SLC6A6: variants seen among roughly 807,000 people sequenced by gnomAD.
SLC6A6 encodes the protein solute carrier family 6 member 6, also known as sodium- and chloride-dependent taurine transporter.
In SLC6A6, 16 loss-of-function variants were observed where a neutral mutation model predicts 68.8. The observed-to-expected ratio is 0.23, with a 90% confidence interval of 0.16 to 0.35. The LOEUF (loss-of-function observed/expected upper bound fraction) is 0.35. Among genes scored for constraint, SLC6A6 ranks in the 10% least tolerant of loss-of-function variants. The pLI is 1.00. For synonymous variants in SLC6A6, 312 were observed against 315.4 expected (o/e 0.99, Z 0.12); for missense variants, 474 against 802.8 (o/e 0.59, Z 4.95).
intron 9 of SLC6A6, among the ~76,000 whole-genome samples, chr3:14,470,377 G>C (rs987904496): frequency 6.6e-6 from 1 of 152,164 alleles, no homozygotes; most frequent in Non-Finnish European, 1.5e-5. Context: ...TAGCCTAACA[G>C]AGTGCAAACA....
intron 14 of SLC6A6, among the ~76,000 whole-genome samples, chr3:14,483,000 C>T (rs1423475898): frequency 6.6e-6 from 1 of 152,162 alleles, no homozygotes; most frequent in African/African-American, 2.4e-5. Flanking sequence ...CATTAGGGCA[C>T]AGCAAGGGGT....
rs1701002314 is a variant in SLC6A6, at chr3:14,481,357, A to C, written c.1552-314A>C. 6.6e-6 allele frequency among the ~76,000 whole-genome samples: 1 copy of C among 152,116 alleles called. No individual in the cohort carries two copies. The highest frequency in any genetic ancestry group is 2.1e-4 in the South Asian group (1 of 4,822). The stretch of plus-strand genomic sequence containing the variant: ...TCTTCAGGGTGGCTGGAGTGTGGAC[A>C]CGGAGGGAGAGTTGAGGCAGATGAG... On this transcript the variant is annotated intron_variant, in intron 13 of 14. Coordinates refer to ENST00000622186, the MANE Select transcript of SLC6A6 (RefSeq NM_003043.6). This position sits in a 1 kb window ranked among gnomAD's most constrained non-coding sequence, Gnocchi z 4.7.
At chr3:14,426,936 TTCTGTGATAAAGGAACCCCTC>T (rs923912283) in intron 2 of SLC6A6, among the ~76,000 whole-genome samples, 9 of 151,688 alleles carry the variant, frequency 5.9e-5, no homozygotes, top group African/African-American at 2.2e-4. Flanking sequence ...GCGATGGGGG[TTCTGTGATAAAGGAACCCCTC>T]TCTGGCTTTA....
rs966857499 is a variant in SLC6A6 at position 14,434,255 on chromosome 3, G to A, written c.-11-9369G>A. Among the ~76,000 whole-genome samples the A allele has an allele frequency of 7.2e-5, 11 of 152,196 alleles. 1 individual carries two copies. ...TGGGCCTCTTTCCATCATCCGGGCT[G>A]GTGAGGAGTAAGTGAGTGAGTTGGT... is the stretch of plus-strand genomic sequence containing the variant. On this transcript the variant is annotated intron_variant, in intron 2 of 14. Coordinates refer to ENST00000622186, the MANE Select transcript of SLC6A6 (RefSeq NM_003043.6).
chr3:14,404,361 C>T (rs1699058669), intron 1 of SLC6A6, among the ~76,000 whole-genome samples: 1 of 152,058 alleles, frequency 6.6e-6, no homozygotes, highest in African/African-American at 2.4e-5. Context: ...GGAGGAATTT[C>T]ATCAAGATGG....
chr3:14,427,852 G>A (rs554554112), intron 2 of SLC6A6, among the ~76,000 whole-genome samples: 8 of 152,140 alleles, frequency 5.3e-5, no homozygotes, highest in Admixed American at 1.3e-4. Context: ...CTACTCTCGA[G>A]TCCAGTTCCC....
chr3:14,464,220 T>C (rs1325344069), intron 6 of SLC6A6, among the ~76,000 whole-genome samples: 2 of 152,172 alleles, frequency 1.3e-5, no homozygotes, highest in African/African-American at 2.4e-5. Context: ...AGGGCCTCCC[T>C]ACTGGCTGCC....
At chr3:14,483,065 A>G (rs1701045399) in intron 14 of SLC6A6, among the ~76,000 whole-genome samples, 1 of 152,190 alleles carries the variant, frequency 6.6e-6, no homozygotes, top group African/African-American at 2.4e-5. Flanking sequence ...GAGTGCCCAA[A>G]GCAATTACAT....
Position 14,481,589 on chromosome 3 carries a change from G to A in SLC6A6, c.1552-82G>A, listed in dbSNP as rs1701007693. On this transcript the variant is annotated intron_variant, in intron 13 of 14. Transcript: ENST00000622186. The surrounding 1 kb of genome is among the most constrained non-coding windows in gnomAD (Gnocchi z 4.7). ...CCAAGGAGAGAGACCCTTCCCTCAGGTTGAGGCCAGTCCTAGTCCCAGAAG... is the reference window on the plus strand; with the variant it reads ...CCAAGGAGAGAGACCCTTCCCTCAGATTGAGGCCAGTCCTAGTCCCAGAAG... 2.2e-6 allele frequency: 2 copies of A among 922,670 alleles called. No homozygotes were observed. Among genetic ancestry groups the A allele is most frequent in the Non-Finnish European group, 3.4e-6 (2 of 585,138 alleles). The allele number at this position is 922,670 out of a possible 1,614,324, so 57.2% of individuals were successfully genotyped here.
chr3:14,408,340 T>C, intron 1 of SLC6A6, among the ~76,000 whole-genome samples: 1 of 128,578 alleles, frequency 7.8e-6, no homozygotes, highest in East Asian at 2.0e-4. Flanking sequence ...TATCTCTTTC[T>C]TTTTTTTTTT....
At chr3:14,413,542 G>C (rs1488389844) in intron 1 of SLC6A6, among the ~76,000 whole-genome samples, 2 of 152,250 alleles carry the variant, frequency 1.3e-5, no homozygotes, top group African/African-American at 2.4e-5. Context: ...CATCACGTGG[G>C]AGCCTGCAGA....
At position 14,402,656 on chromosome 3, in the gene SLC6A6, T is replaced by A; in HGVS notation, c.-245T>A. On this transcript the variant is annotated 5_prime_UTR_variant, in exon 1 of 15. Transcript: ENST00000622186. This position sits in a 1 kb window ranked among gnomAD's most constrained non-coding sequence, Gnocchi z 4.8. ...CACGCGAGGTCAGGAAGAAGCCGCTTATAAATTACCGCTTCCTTCGCGCCG... is the reference window on the plus strand; with the variant it reads ...CACGCGAGGTCAGGAAGAAGCCGCTAATAAATTACCGCTTCCTTCGCGCCG... 2.5e-6 allele frequency: 1 copy of A among 397,954 alleles called. No homozygotes were observed. The highest frequency in any genetic ancestry group is 3.6e-5 in the East Asian group (1 of 28,012). 24.7% of individuals were successfully genotyped at this position (397,954 alleles called of 1,614,324 possible).
At chr3:14,456,991 G>A (rs1700383183) in intron 5 of SLC6A6, among the ~76,000 whole-genome samples, 1 of 152,198 alleles carries the variant, frequency 6.6e-6, no homozygotes, top group Non-Finnish European at 1.5e-5. Flanking sequence ...CAGAGCTCTG[G>A]GACCATGGGT....
At chr3:14,451,539 C>T (rs766259444) in intron 5 of SLC6A6, among the ~76,000 whole-genome samples, 2 of 152,104 alleles carry the variant, frequency 1.3e-5, no homozygotes, top group African/African-American at 2.4e-5. Context: ...GAATGTTAGG[C>T]GGGTACATTT....
intron 10 of SLC6A6, among the ~76,000 whole-genome samples, chr3:14,475,564 C>T (rs1483405215): frequency 1.3e-5 from 2 of 152,130 alleles, no homozygotes; most frequent in African/African-American, 2.4e-5. Flanking sequence ...AGCTGTTAAG[C>T]GACGGAGGGC....
At chr3:14,482,355 G>A (rs936580401) in intron 14 of SLC6A6, among the ~76,000 whole-genome samples, 2 of 152,172 alleles carry the variant, frequency 1.3e-5, no homozygotes, top group Admixed American at 6.5e-5. Context: ...GATCTGTGGC[G>A]GCAGCCAGAC....
At chr3:14,415,549 A>G (rs1699344351) in intron 1 of SLC6A6, among the ~76,000 whole-genome samples, 1 of 152,176 alleles carries the variant, frequency 6.6e-6, no homozygotes. Context: ...CATTGAAAAT[A>G]TCTCATTTGA....
intron 6 of SLC6A6, among the ~76,000 whole-genome samples, chr3:14,460,102 T>C (rs1436279431): frequency 2.6e-5 from 4 of 152,032 alleles, no homozygotes; most frequent in Non-Finnish European, 4.4e-5. Flanking sequence ...TGAGAAAGTT[T>C]CTGTGGAGCA....
rs373273413 is a variant in SLC6A6, at chr3:14,468,248, G to C, written c.1096+36G>C. ...ATCGGTGGCAGTGGTGGTGGGCACT[G>C]CCACCTAGTGTGTAAGCCAAGTACT... On this transcript the variant is annotated intron_variant, in intron 9 of 14. Coordinates refer to ENST00000622186, the MANE Select transcript of SLC6A6 (RefSeq NM_003043.6). This position sits in a 1 kb window ranked among gnomAD's most constrained non-coding sequence, Gnocchi z 4.5. The C allele has an allele frequency of 1.3e-6, 2 of 1,591,962 alleles. No homozygotes were observed. Among genetic ancestry groups the C allele is most frequent in the Non-Finnish European group, 1.7e-6 (2 of 1,166,896 alleles).
Sources: allele counts gnomAD v4.1 joint callset (sites outside exome capture counted in the v4.1 genomes callset), GRCh38; gene constraint gnomAD v4.1.1; non-coding constraint Gnocchi (gnomAD v3.1); transcripts MANE v1.5; gene names NCBI Gene and HGNC (gene_info 2026-07-23, HGNC 2026-07-21).